The following VPS13C variants were observed in gnomAD, a reference collection of about 807,000 sequenced individuals.
VPS13C encodes the protein intermembrane lipid transfer protein VPS13C.
In VPS13C, 358 loss-of-function variants were observed where a neutral mutation model predicts 456.8. The ratio of observed to expected loss-of-function variants is 0.78; its 90% CI spans 0.72 to 0.86. VPS13C has a LOEUF of 0.86. Ranked by LOEUF, VPS13C falls within the 40% of genes least tolerant of loss-of-function variation. The pLI, the probability that VPS13C is intolerant of heterozygous loss-of-function variation, is 0.00. For missense variants in VPS13C, 4,818 were observed against 4,385.4 expected (o/e 1.10, Z -2.79); for synonymous variants, 1,578 against 1,486.7 (o/e 1.06, Z -1.41).
chr15:61,918,045 T>A lies in VPS13C; in HGVS notation c.7760+91A>T, dbSNP rs113433274. The A allele has an allele frequency of 4.5e-6, 6 of 1,344,960 alleles. No homozygotes were observed. In the Admixed American group the frequency reaches 1.6e-4, roughly 35 times the overall value. The allele number at this position is 1,344,960 out of a possible 1,614,324, so 83.3% of individuals were successfully genotyped here. ...ATGTCTTAAAACTGGCTTTTACTGA[T>A]CTTTAGTTAATAAAAATATGAAGTT... is the stretch of plus-strand genomic sequence containing the variant. On this transcript the variant is annotated intron_variant, in intron 59 of 84. Coordinates refer to ENST00000644861, the MANE Select transcript of VPS13C (RefSeq NM_020821.3).
chr15:62,012,995 G>A, intron 11 of VPS13C, 44 bp downstream of exon 11: 2 of 1,470,482 alleles, frequency 1.4e-6, no homozygotes, highest in Non-Finnish European at 1.9e-6. Flanking sequence ...ACAAATTTAG[G>A]GATGGGAGTG....
intron 1 of VPS13C, among the ~76,000 whole-genome samples, chr15:62,048,180 G>T (rs2048486916): frequency 6.8e-6 from 1 of 146,942 alleles, no homozygotes; most frequent in Non-Finnish European, 1.5e-5. Flanking sequence ...ATGTATACAT[G>T]TGCCATGTTG....
rs1414078010 is a variant in VPS13C, at chr15:61,922,542, C to T, written c.6830G>A (p.Gly2277Asp). The T allele has an allele frequency of 6.2e-7, 1 of 1,613,936 alleles. No individual in the cohort carries two copies. Among genetic ancestry groups the T allele is most frequent in the Non-Finnish European group, 8.5e-7 (1 of 1,179,968 alleles). ...IEHSLIEENC[G>D]VVVESIQVTL... is the part of the protein sequence containing the mutation. ...AACTTGAATGGATTCTACAACAACA[C>T]CACAATTTTCCTCTATCAGTGAATG... The change falls in exon 54 of 85, where the codon GGT becomes GAT. Residue 2277 changes from glycine to aspartate, a missense_variant. Transcript: ENST00000644861.
rs1893740926 is a variant in VPS13C at position 61,853,282 on chromosome 15, G to A, written c.*1175C>T. ...GCATTAGGAGTAAATGTTAATTTGTGATGCCCTTAAAAGACTTTCAACCTG... is the reference window on the plus strand; with the variant it reads ...GCATTAGGAGTAAATGTTAATTTGTAATGCCCTTAAAAGACTTTCAACCTG... On this transcript the variant is annotated 3_prime_UTR_variant, in exon 85 of 85. Transcript: ENST00000644861. 6.6e-6 allele frequency: 1 copy of A among 152,156 alleles called. No individual in the cohort carries two copies. Among genetic ancestry groups the A allele is most frequent in the African/African-American group, 2.4e-5 (1 of 41,440 alleles). The allele number at this position is 152,156 out of a possible 1,614,324, so 9.4% of individuals were successfully genotyped here.
rs138424913 is a variant in VPS13C at position 62,010,497 on chromosome 15, A to G, written c.986T>C (p.Ile329Thr). The G allele has an allele frequency of 5.0e-6, 8 of 1,612,954 alleles. No homozygotes were observed. The African/African-American group carries it at 8.0e-5, about 16-fold the overall frequency. Residue 329 changes from isoleucine (I) to threonine (T), a missense_variant, in exon 13 of 85, where the codon ATT becomes ACT. Ile to Thr is a moderately conservative substitution (Grantham distance 89). Coordinates refer to ENST00000644861, the MANE Select transcript of VPS13C (RefSeq NM_020821.3). ...CTGAGGTTTGGTCAGTTCAATGGCA[A>G]TATTTTGTATTTCTATGTTGCAATC... is the stretch of plus-strand genomic sequence containing the variant. Reference protein sequence around the residue: ...KLDCNIEIQNIAIELTKPQYL... With the variant: ...KLDCNIEIQNTAIELTKPQYL...
intron 1 of VPS13C, among the ~76,000 whole-genome samples, chr15:62,058,278 T>C (rs538127314): frequency 2.0e-5 from 3 of 152,342 alleles, no homozygotes; most frequent in South Asian, 2.1e-4. Flanking sequence ...TTGCCAGTAT[T>C]CTGAAGAAAT....
At chr15:61,987,294 C>G (rs762192310) in intron 18 of VPS13C, among the ~76,000 whole-genome samples, 7 of 151,974 alleles carry the variant, frequency 4.6e-5, no homozygotes, top group Non-Finnish European at 8.8e-5. Flanking sequence ...TTAGTCCATT[C>G]TCATGCTGCT....
intron 18 of VPS13C, among the ~76,000 whole-genome samples, chr15:61,988,359 A>C (rs530689769): frequency 5.3e-5 from 8 of 152,336 alleles, no homozygotes; most frequent in Non-Finnish European, 1.2e-4. Context: ...ATTCTGCCTC[A>C]ACCAAATTTT....
intron 66 of VPS13C, among the ~76,000 whole-genome samples, chr15:61,895,789 T>C (rs1012444590): frequency 6.6e-6 from 1 of 152,096 alleles, no homozygotes; most frequent in African/African-American, 2.4e-5. Context: ...GAACAGCAGA[T>C]ACTAGAGGCT....
chr15:62,029,136 C>T (rs1414057339), intron 5 of VPS13C, among the ~76,000 whole-genome samples: 1 of 152,104 alleles, frequency 6.6e-6, no homozygotes, highest in Admixed American at 6.6e-5. Context: ...CTACTATTTT[C>T]TAACTGTGTG....
At chr15:61,983,107 C>T (rs1000209198) in intron 20 of VPS13C, among the ~76,000 whole-genome samples, 3 of 152,114 alleles carry the variant, frequency 2.0e-5, no homozygotes, top group African/African-American at 4.8e-5. Flanking sequence ...AATTGAGTTA[C>T]GTGTATTTTA....
chr15:62,040,476 T>C (rs990679796), intron 3 of VPS13C, among the ~76,000 whole-genome samples: 5 of 151,964 alleles, frequency 3.3e-5, no homozygotes, highest in Non-Finnish European at 7.4e-5. Context: ...CATAAATATA[T>C]ATACCTACTA....
chr15:61,920,647 C>T lies in VPS13C; in HGVS notation c.7063G>A (p.Val2355Ile). Residue 2355 changes from valine to isoleucine, a missense_variant and splice_region_variant, in exon 56 of 85, where the codon GTA becomes ATA. Around this residue, in one of 3 missense-constraint regions of VPS13C, gnomAD observed 4,552 missense variants for 4,130.6 expected, o/e 1.10. Coordinates refer to ENST00000644861, the MANE Select transcript of VPS13C (RefSeq NM_020821.3). ...TTATCCTGAACTGGGTTCTTCTTTA[C>T]CTATGAAGAAAAATAACACAGCAAA... ...GKRQWNLRLD[V>I]KKNPVQDKSL... The T allele has an allele frequency of 6.4e-7, 1 of 1,558,824 alleles. No individual in the cohort carries two copies.
At chr15:61,996,896 C>CACAT (rs1491210762) in intron 16 of VPS13C, among the ~76,000 whole-genome samples, 4 of 129,382 alleles carry the variant, frequency 3.1e-5, no homozygotes, top group East Asian at 2.2e-4. Context: ...CACACACACA[C>CACAT]ATATATATAT....
intron 79 of VPS13C, among the ~76,000 whole-genome samples, chr15:61,870,661 G>A (rs1271392578): frequency 6.6e-6 from 1 of 152,112 alleles, no homozygotes; most frequent in Admixed American, 6.6e-5. Flanking sequence ...TAGAATTGCT[G>A]GGACACATGG....
intron 42 of VPS13C, 80 bp from the exon 43 acceptor site, chr15:61,947,389 T>C (rs1330174157): frequency 9.5e-7 from 1 of 1,053,980 alleles, no homozygotes; most frequent in East Asian, 2.6e-5. Flanking sequence ...TCCACCAAAA[T>C]AAAAGTACCC....
chr15:62,008,805 TA>T (rs756802652), intron 13 of VPS13C, 44 bp from the exon 14 acceptor site: 193 of 1,168,856 alleles, frequency 1.7e-4, no homozygotes, highest in Middle Eastern at 5.9e-4. Context: ...ACTGTATATA[TA>T]AAAAAAAGAC....
At chr15:62,021,973 T>C (rs1171817843) in intron 8 of VPS13C, among the ~76,000 whole-genome samples, 1 of 151,932 alleles carries the variant, frequency 6.6e-6, no homozygotes, top group Non-Finnish European at 1.5e-5. Flanking sequence ...ATTTTGCAAG[T>C]GAAAGAATTT....
chr15:61,972,820 A>AC (rs3833020), intron 26 of VPS13C, 56 bp from the exon 27 acceptor site: 6 of 1,513,952 alleles, frequency 4.0e-6, no homozygotes, highest in Non-Finnish European at 5.4e-6. Flanking sequence ...AAACTGCATG[A>AC]AACACTCAAA....
Sources: gnomAD v4.1 joint callset for allele counts (sites outside exome capture counted in the v4.1 genomes callset) on GRCh38, gnomAD v4.1.1 for gene constraint, gnomAD v4.1.1 regional missense constraint, MANE v1.5 for transcripts, NCBI Gene and HGNC (gene_info 2026-07-23, HGNC 2026-07-21) for gene names.